The following FBXO34 variants were observed in gnomAD, a reference collection of about 807,000 sequenced individuals.
FBXO34 encodes the protein F-box protein 34, also known as F-box only protein 34.
In FBXO34, 12 loss-of-function variants were observed where a neutral mutation model predicts 24.5. The ratio of observed to expected loss-of-function variants is 0.49; its 90% CI spans 0.31 to 0.79. The LOEUF is 0.79. FBXO34 is among the 30% of genes least tolerant of loss of function. FBXO34 has a pLI of 0.04. For synonymous variants in FBXO34, 320 were observed against 311.9 expected, an observed-to-expected ratio of 1.03 and a Z score of -0.27; for missense variants, 823 against 857.7, an observed-to-expected ratio of 0.96 and a Z score of 0.51.
the FBXO34 span, among the ~76,000 whole-genome samples, chr14:55,375,833 G>A: frequency 6.6e-6 from 1 of 152,116 alleles, no homozygotes; most frequent in Admixed American, 6.5e-5. Flanking sequence ...ATCCTTGATT[G>A]TTCCTATGTA....
intron 1 of FBXO34, among the ~76,000 whole-genome samples, chr14:55,332,487 CTGGGTAA>C (rs1883629945): frequency 6.6e-6 from 1 of 152,160 alleles, no homozygotes; most frequent in African/African-American, 2.4e-5. Flanking sequence ...TGTTTTGCAT[CTGGGTAA>C]TGTTTAATTA....
chr14:55,440,418 T>G, the FBXO34 span: 1 of 1,612,870 alleles, frequency 6.2e-7, no homozygotes, highest in Non-Finnish European at 8.5e-7. Flanking sequence ...CTGGTCCAGG[T>G]AGAGCTCCAG....
the FBXO34 span, chr14:55,395,046 CT>C: frequency 2.0e-6 from 1 of 494,020 alleles, no homozygotes; most frequent in South Asian, 1.5e-5. Flanking sequence ...CCACTTCTGA[CT>C]TTTCCCCCTT....
intron 1 of FBXO34, among the ~76,000 whole-genome samples, chr14:55,288,148 T>C (rs1382503212): frequency 6.6e-6 from 1 of 152,228 alleles, no homozygotes; most frequent in East Asian, 1.9e-4. Context: ...AGAAGTTGCT[T>C]GTAATTGGTA....
chr14:55,370,802 G>C (rs940052919), downstream of FBXO34, among the ~76,000 whole-genome samples: 12 of 152,040 alleles, frequency 7.9e-5, no homozygotes, highest in Non-Finnish European at 5.9e-5. Context: ...CACCATGCCC[G>C]GCTAATTTTT....
intron 3 of FBXO34, among the ~76,000 whole-genome samples, chr14:55,361,419 A>C (rs1211686623): frequency 1.3e-5 from 2 of 152,220 alleles, no homozygotes; most frequent in Non-Finnish European, 2.9e-5. Context: ...CCATTTACAG[A>C]GCACAGGAAG....
intron 1 of FBXO34, among the ~76,000 whole-genome samples, chr14:55,279,498 A>C (rs571853932): frequency 6.6e-6 from 1 of 152,176 alleles, no homozygotes; most frequent in African/African-American, 2.4e-5. Context: ...AGGAAATGCT[A>C]AATTTCAGTT....
At chr14:55,363,921 G>A (rs1846342298), downstream of FBXO34, among the ~76,000 whole-genome samples, 1 of 150,866 alleles carries the variant, frequency 6.6e-6, no homozygotes, top group Admixed American at 6.6e-5. Context: ...CACTTAACTA[G>A]TGTCATCAAA....
chr14:55,351,383 C>T lies in FBXO34; in HGVS notation c.993C>T (p.Gly331=), dbSNP rs145987478. 1,897 of 1,614,172 alleles carry T rather than the reference C, an allele frequency of 1.2e-3. 7 individuals are homozygous for T. The highest frequency in any genetic ancestry group is 8.9e-4 in the Non-Finnish European group (1,048 of 1,180,040). ...CTGATGAAGGCAAAACAAAGAAAGG[C>T]GTCTTGGAGGCACCTGACACTCAGG... is the stretch of plus-strand genomic sequence containing the variant. ...TQADEGKTKK[G]VLEAPDTQVN... The change falls in exon 2 of 2, where the codon GGC becomes GGT. Residue 331 remains glycine, a synonymous_variant. Transcript: ENST00000313833.
chr14:55,287,628 TTTTG>T (rs544027609), intron 1 of FBXO34, among the ~76,000 whole-genome samples: 30 of 152,240 alleles, frequency 2.0e-4, no homozygotes, highest in Non-Finnish European at 3.7e-4. Context: ...TTTCTAGACT[TTTTG>T]TTTGTTTGTT....
chr14:55,424,632 A>G, the FBXO34 span, among the ~76,000 whole-genome samples: 11 of 152,226 alleles, frequency 7.2e-5, no homozygotes, highest in African/African-American at 2.4e-4. Context: ...CTCCAATAAT[A>G]AACATATTTT....
intron 1 of FBXO34, among the ~76,000 whole-genome samples, chr14:55,286,808 A>ATT (rs1003185359): frequency 7.1e-6 from 1 of 141,064 alleles, no homozygotes; most frequent in African/African-American, 2.6e-5. Context: ...TGGATTTTGG[A>ATT]TTTTTTTTTT....
At chr14:55,433,861 G>T in the FBXO34 span, 2 of 615,770 alleles carry the variant, frequency 3.2e-6, no homozygotes, top group Non-Finnish European at 5.4e-6. Context: ...CCTACATTAA[G>T]GTTAACAAAA....
At chr14:55,431,449 T>A in the FBXO34 span, among the ~76,000 whole-genome samples, 1 of 152,242 alleles carries the variant, frequency 6.6e-6, no homozygotes, top group South Asian at 2.1e-4. Flanking sequence ...GTGACCATCC[T>A]TTCAGCTCAG....
the FBXO34 span, among the ~76,000 whole-genome samples, chr14:55,422,386 C>T: frequency 1.3e-5 from 2 of 152,202 alleles, no homozygotes; most frequent in African/African-American, 4.8e-5. Flanking sequence ...GCTGGGATTA[C>T]AGGCGCTTGC....
chr14:55,435,696 T>C, the FBXO34 span: 1 of 560,220 alleles, frequency 1.8e-6, no homozygotes, highest in African/African-American at 2.0e-5. Context: ...TTTTTATAAC[T>C]CAAAACAGAT....
At chr14:55,334,831 C>G (rs927764137) in intron 1 of FBXO34, among the ~76,000 whole-genome samples, 9 of 152,128 alleles carry the variant, frequency 5.9e-5, no homozygotes, top group Non-Finnish European at 1.3e-4. Flanking sequence ...CGGAAGGGTC[C>G]AGCATCCAAA....
At chr14:55,304,399 G>T (rs1168963605) in intron 1 of FBXO34, among the ~76,000 whole-genome samples, 1 of 151,384 alleles carries the variant, frequency 6.6e-6, no homozygotes, top group Non-Finnish European at 1.5e-5. Context: ...TCACTATGTT[G>T]CCCGGGCTGG....
chr14:55,387,740 C>CTCA, the FBXO34 span, among the ~76,000 whole-genome samples: 4 of 152,028 alleles, frequency 2.6e-5, no homozygotes, highest in Non-Finnish European at 1.5e-5. Context: ...TGCATCTCGG[C>CTCA]TCACTGCAAC....
Sources: gnomAD v4.1 joint callset for allele counts (sites outside exome capture counted in the v4.1 genomes callset) on GRCh38, gnomAD v4.1.1 for gene constraint, MANE v1.5 for transcripts, NCBI Gene and HGNC (gene_info 2026-07-23, HGNC 2026-07-21) for gene names.